Variants in COL21A1 observed in about 807,000 individuals in gnomAD.
COL21A1 encodes the protein collagen type XXI alpha 1 chain, also known as collagen alpha-1(XXI) chain.
COL21A1 carries 149 observed loss-of-function variants against 137.9 expected under a neutral mutation model. That is an observed-to-expected ratio of 1.08 (90% CI 0.95 to 1.24). COL21A1 has a LOEUF of 1.24. Ranked by LOEUF, COL21A1 falls within the 50% of genes most tolerant of loss-of-function variation. The pLI is 0.00. For missense variants in COL21A1, 1,167 were observed against 1,158.4 expected (o/e 1.01, Z -0.11); for synonymous variants, 456 against 391.5 (o/e 1.16, Z -1.95).
At chr6:56,380,391 C>T (rs1008769) in intron 1 of COL21A1, among the ~76,000 whole-genome samples, 35,867 of 152,108 alleles carry the variant, frequency 0.24, 5,532 homozygotes, top group East Asian at 0.63. Flanking sequence ...AATATGACTG[C>T]CTTTGCCCAT....
intron 1 of COL21A1, among the ~76,000 whole-genome samples, chr6:56,299,547 A>T (rs1764234278): frequency 6.6e-6 from 1 of 152,132 alleles, no homozygotes; most frequent in Non-Finnish European, 1.5e-5. Context: ...TATATTTAAT[A>T]TATTGAGAAA....
At chr6:56,306,489 C>T (rs1370459403) in intron 1 of COL21A1, among the ~76,000 whole-genome samples, 1 of 152,134 alleles carries the variant, frequency 6.6e-6, no homozygotes, top group African/African-American at 2.4e-5. Context: ...TTTCATCTTC[C>T]ATCACTGATA....
At chr6:56,191,475 C>T (rs941066013) in intron 1 of COL21A1, among the ~76,000 whole-genome samples, 14 of 151,092 alleles carry the variant, frequency 9.3e-5, no homozygotes, top group African/African-American at 3.4e-4. Flanking sequence ...GCCTGTAATC[C>T]CAGTTACCGG....
chr6:56,283,276 T>G (rs1208342499), intron 1 of COL21A1, among the ~76,000 whole-genome samples: 1 of 151,860 alleles, frequency 6.6e-6, no homozygotes, highest in Non-Finnish European at 1.5e-5. Flanking sequence ...GGCCAAAAAA[T>G]TATTATAAAT....
intron 1 of COL21A1, among the ~76,000 whole-genome samples, chr6:56,392,864 A>T (rs1477729306): frequency 6.6e-6 from 1 of 152,170 alleles, no homozygotes; most frequent in Non-Finnish European, 1.5e-5. Context: ...AAAAAATGGA[A>T]ATATATTCCC....
At chr6:56,059,485 C>A (rs947159563) in intron 28 of COL21A1, among the ~76,000 whole-genome samples, 2 of 152,176 alleles carry the variant, frequency 1.3e-5, no homozygotes, top group Admixed American at 6.5e-5. Flanking sequence ...GAATTATTAG[C>A]CCTTTGTGTT....
At chr6:56,275,964 A>T (rs1763637354) in intron 1 of COL21A1, among the ~76,000 whole-genome samples, 1 of 152,206 alleles carries the variant, frequency 6.6e-6, no homozygotes, top group Non-Finnish European at 1.5e-5. Flanking sequence ...AAAGACATGG[A>T]ATCAATCTAG....
chr6:56,265,455 C>T (rs554771807), intron 1 of COL21A1, among the ~76,000 whole-genome samples: 4 of 152,328 alleles, frequency 2.6e-5, no homozygotes, highest in East Asian at 1.9e-4. Context: ...GTCCCTTTCC[C>T]GTCCTTCCTC....
At chr6:56,154,110 G>A (rs1775545929) in intron 10 of COL21A1, among the ~76,000 whole-genome samples, 2 of 152,124 alleles carry the variant, frequency 1.3e-5, no homozygotes, top group Admixed American at 1.3e-4. Flanking sequence ...AGGTCATGGA[G>A]ACACTTATTG....
chr6:56,233,984 G>A (rs1413777193), intron 1 of COL21A1, among the ~76,000 whole-genome samples: 1 of 151,740 alleles, frequency 6.6e-6, no homozygotes. Flanking sequence ...TAACAATTAT[G>A]ATATAAATAG....
intron 1 of COL21A1, among the ~76,000 whole-genome samples, chr6:56,274,867 A>C (rs1248738334): frequency 6.6e-6 from 1 of 152,156 alleles, no homozygotes; most frequent in Non-Finnish European, 1.5e-5. Context: ...AACTATTCTA[A>C]AATTCATATG....
At chr6:56,369,988 T>C (rs1257647620) in intron 1 of COL21A1, among the ~76,000 whole-genome samples, 1 of 152,224 alleles carries the variant, frequency 6.6e-6, no homozygotes, top group Non-Finnish European at 1.5e-5. Flanking sequence ...TGTTGAATGG[T>C]TGTAATTATT....
At chr6:56,284,848 C>T (rs775328498) in intron 1 of COL21A1, among the ~76,000 whole-genome samples, 7 of 152,162 alleles carry the variant, frequency 4.6e-5, no homozygotes, top group Non-Finnish European at 1.0e-4. Flanking sequence ...ATGTGCTTTG[C>T]TTTTCTGACT....
chr6:56,269,296 G>C (rs1035528192), intron 1 of COL21A1, among the ~76,000 whole-genome samples: 2 of 152,078 alleles, frequency 1.3e-5, no homozygotes, highest in Non-Finnish European at 2.9e-5. Flanking sequence ...CTGTCCCCAA[G>C]ACACATAGTC....
At chr6:56,117,392 A>G (rs981812148) in intron 16 of COL21A1, among the ~76,000 whole-genome samples, 1 of 151,976 alleles carries the variant, frequency 6.6e-6, no homozygotes, top group African/African-American at 2.4e-5. Context: ...AGAGGATATA[A>G]CAATTTTAAA....
intron 1 of COL21A1, among the ~76,000 whole-genome samples, chr6:56,315,820 T>C (rs1246278698): frequency 6.6e-6 from 1 of 152,144 alleles, no homozygotes; most frequent in African/African-American, 2.4e-5. Context: ...TTAATAATAA[T>C]GTATCATATA....
chr6:56,372,987 C>T (rs2093992636), intron 1 of COL21A1, among the ~76,000 whole-genome samples: 1 of 152,146 alleles, frequency 6.6e-6, no homozygotes, highest in East Asian at 1.9e-4. Flanking sequence ...CCCAGACTAC[C>T]CCTAAATTTG....
intron 1 of COL21A1, among the ~76,000 whole-genome samples, chr6:56,378,422 A>G (rs2094003421): frequency 6.6e-6 from 1 of 152,250 alleles, no homozygotes. Context: ...CTTTAAGGGT[A>G]CTTTGGAGGT....
intron 1 of COL21A1, among the ~76,000 whole-genome samples, chr6:56,301,851 T>C (rs949321168): frequency 3.2e-4 from 11 of 34,786 alleles, no homozygotes; most frequent in Middle Eastern, 0.045. Flanking sequence ...CAAATGCTAT[T>C]TCTCCCCCCC....
Sources: allele counts gnomAD v4.1 joint callset (sites outside exome capture counted in the v4.1 genomes callset), GRCh38; gene constraint gnomAD v4.1.1; transcripts MANE v1.5; gene names NCBI Gene and HGNC (gene_info 2026-07-23, HGNC 2026-07-21).